Variants in LRRC4C observed in about 807,000 individuals in gnomAD.
LRRC4C encodes the protein leucine rich repeat containing 4C.
A neutral mutation model predicts 33.6 loss-of-function variants in LRRC4C; 5 were observed. That is an observed-to-expected ratio of 0.15 (90% CI 0.08 to 0.31). LRRC4C has a LOEUF of 0.31. LRRC4C is among the 10% of genes least tolerant of loss of function. The probability of loss-of-function intolerance (pLI) is 1.00; values close to 1 mark genes in which losing one functional copy is unlikely to be tolerated. For missense variants in LRRC4C, 560 were observed against 796.7 expected (o/e 0.70, Z 3.58); for synonymous variants, 329 against 302.0 (o/e 1.09, Z -0.93).
chr11:40,540,669 G>A (rs1956670944), intron 3 of LRRC4C, among the ~76,000 whole-genome samples: 1 of 152,040 alleles, frequency 6.6e-6, no homozygotes, highest in Non-Finnish European at 1.5e-5. Flanking sequence ...AAAATATCAA[G>A]TATATGTAGA....
intron 5 of LRRC4C, among the ~76,000 whole-genome samples, chr11:40,166,762 G>A (rs1859628500): frequency 6.6e-6 from 1 of 152,228 alleles, no homozygotes; most frequent in Non-Finnish European, 1.5e-5. Context: ...TTTATAGATT[G>A]TAACCTGTAT....
intron 3 of LRRC4C, among the ~76,000 whole-genome samples, chr11:40,337,896 C>T (rs1378514229): frequency 6.6e-6 from 1 of 152,136 alleles, no homozygotes; most frequent in Admixed American, 6.6e-5. Context: ...GTGTTCTCAT[C>T]ATTTAGCTCC....
rs149225666 is a variant in LRRC4C at position 40,892,053 on chromosome 11, T to G, written c.-407+41582A>C. On this transcript the variant is annotated intron_variant, in intron 2 of 6. Transcript: ENST00000528697. ...GGGAGGCTGAGGCAGGAGAATAACTTGAACCCGTGAGGCGGAGCTTGCAGT... is the reference window on the plus strand; with the variant it reads ...GGGAGGCTGAGGCAGGAGAATAACTGGAACCCGTGAGGCGGAGCTTGCAGT... Among the ~76,000 whole-genome samples the G allele has an allele frequency of 7.1e-3, 1,042 of 147,186 alleles. 16 individuals carry two copies. Among genetic ancestry groups the G allele is most frequent in the African/African-American group, 0.025 (997 of 39,820 alleles).
intron 3 of LRRC4C, among the ~76,000 whole-genome samples, chr11:40,474,658 G>A (rs920434630): frequency 3.3e-5 from 5 of 152,080 alleles, no homozygotes; most frequent in Non-Finnish European, 7.4e-5. Flanking sequence ...CCTACAGAAT[G>A]GGAGAAAATT....
At chr11:40,163,344 C>T (rs1859322496) in intron 5 of LRRC4C, among the ~76,000 whole-genome samples, 1 of 152,124 alleles carries the variant, frequency 6.6e-6, no homozygotes, top group South Asian at 2.1e-4. Context: ...ACAAAGTATG[C>T]TGCATTTCAA....
intron 3 of LRRC4C, among the ~76,000 whole-genome samples, chr11:40,325,083 A>G (rs190071784): frequency 1.3e-4 from 20 of 152,264 alleles, no homozygotes; most frequent in Admixed American, 3.3e-4. Context: ...CTATGAACAG[A>G]TTGGCAATGG....
intron 1 of LRRC4C, among the ~76,000 whole-genome samples, chr11:41,085,928 C>CAAAA (rs10717008): frequency 7.7e-3 from 614 of 79,352 alleles, no homozygotes; most frequent in East Asian, 9.6e-3. Flanking sequence ...TTTAAGACAC[C>CAAAA]AAAAAAAAAA....
intron 1 of LRRC4C, among the ~76,000 whole-genome samples, chr11:41,350,099 A>G (rs961238276): frequency 5.3e-5 from 8 of 152,224 alleles, no homozygotes; most frequent in African/African-American, 1.7e-4. Context: ...ATGAAAGTTA[A>G]AAAGGCAAAT....
intron 2 of LRRC4C, among the ~76,000 whole-genome samples, chr11:40,674,253 C>T (rs1303210497): frequency 3.3e-5 from 5 of 152,138 alleles, no homozygotes; most frequent in African/African-American, 1.2e-4. Flanking sequence ...AACTACCCAG[C>T]TTTTATATCA....
chr11:41,061,510 G>C (rs1228778940), intron 1 of LRRC4C, among the ~76,000 whole-genome samples: 1 of 152,172 alleles, frequency 6.6e-6, no homozygotes, highest in African/African-American at 2.4e-5. Flanking sequence ...TGTGACACTG[G>C]GGGTGAGGGG....
At chr11:40,967,070 C>T (rs988355332) in intron 1 of LRRC4C, among the ~76,000 whole-genome samples, 2 of 151,850 alleles carry the variant, frequency 1.3e-5, no homozygotes, top group African/African-American at 4.8e-5. Context: ...AAAATAAAGA[C>T]ATTTATCATT....
intron 3 of LRRC4C, among the ~76,000 whole-genome samples, chr11:40,418,651 G>A (rs1950412981): frequency 6.6e-6 from 1 of 152,264 alleles, no homozygotes; most frequent in East Asian, 1.9e-4. Context: ...TTACAAAGAT[G>A]CATGCACACG....
intron 1 of LRRC4C, among the ~76,000 whole-genome samples, chr11:41,097,323 C>A (rs1940871989): frequency 1.3e-5 from 2 of 152,266 alleles, no homozygotes; most frequent in Admixed American, 1.3e-4. Context: ...TGTTGATTGT[C>A]CTCTGGATGC....
At chr11:41,193,780 T>C (rs2136224168) in intron 1 of LRRC4C, among the ~76,000 whole-genome samples, 1 of 152,070 alleles carries the variant, frequency 6.6e-6, no homozygotes, top group South Asian at 2.1e-4. Context: ...TCTAGAGGTG[T>C]TCTGATTATT....
intron 6 of LRRC4C, among the ~76,000 whole-genome samples, chr11:40,124,737 C>T (rs977825605): frequency 1.3e-5 from 2 of 152,040 alleles, no homozygotes; most frequent in African/African-American, 4.8e-5. Flanking sequence ...TTAATATGAT[C>T]TATTTGATAG....
chr11:40,483,127 T>C (rs1439807398), intron 3 of LRRC4C, among the ~76,000 whole-genome samples: 2 of 152,236 alleles, frequency 1.3e-5, no homozygotes, highest in Non-Finnish European at 2.9e-5. Flanking sequence ...GAGACCTTCA[T>C]GTAGTCAAGG....
At chr11:40,336,793 G>A (rs2136976370) in intron 3 of LRRC4C, among the ~76,000 whole-genome samples, 1 of 151,960 alleles carries the variant, frequency 6.6e-6, no homozygotes, top group South Asian at 2.1e-4. Context: ...TGGCTAACAC[G>A]GTGAAACCCC....
chr11:40,907,136 C>T (rs1187171954), intron 2 of LRRC4C, among the ~76,000 whole-genome samples: 1 of 152,216 alleles, frequency 6.6e-6, no homozygotes, highest in Non-Finnish European at 1.5e-5. Context: ...CAGATTAAAA[C>T]AGTCTTCTAT....
At chr11:41,168,808 CA>C (rs966023607) in intron 1 of LRRC4C, among the ~76,000 whole-genome samples, 39 of 152,272 alleles carry the variant, frequency 2.6e-4, no homozygotes, top group African/African-American at 8.4e-4. Flanking sequence ...CTACACCAGG[CA>C]ATCTGTTTCT....
Sources: gnomAD v4.1 joint callset for allele counts (sites outside exome capture counted in the v4.1 genomes callset) on GRCh38, gnomAD v4.1.1 for gene constraint, MANE v1.5 for transcripts, NCBI Gene and HGNC (gene_info 2026-07-23, HGNC 2026-07-21) for gene names.